ANKS1B: variants seen among roughly 807,000 people sequenced by gnomAD.
ANKS1B encodes the protein ankyrin repeat and sterile alpha motif domain-containing protein 1B.
In ANKS1B, 36 loss-of-function variants were observed where a neutral mutation model predicts 148.3. That is an observed-to-expected ratio of 0.24 (90% confidence interval 0.19 to 0.32). The LOEUF is 0.32. Ranked by LOEUF, ANKS1B falls within the 10% of genes least tolerant of loss-of-function variation. The probability of loss-of-function intolerance (pLI) is 1.00; values close to 1 mark genes in which losing one functional copy is unlikely to be tolerated. For synonymous variants in ANKS1B, 542 were observed against 560.8 expected, an observed-to-expected ratio of 0.97 and a Z score of 0.47; for missense variants, 1,157 against 1,542.6, an observed-to-expected ratio of 0.75 and a Z score of 4.19.
chr12:99,490,731 G>A (rs768783621), intron 10 of ANKS1B, among the ~76,000 whole-genome samples: 72 of 152,116 alleles, frequency 4.7e-4, no homozygotes, highest in Non-Finnish European at 7.8e-4. Flanking sequence ...TGACTGTATT[G>A]TATGTCAGTT....
At chr12:98,800,218 A>G (rs1407525379) in intron 21 of ANKS1B, among the ~76,000 whole-genome samples, 2 of 130,518 alleles carry the variant, frequency 1.5e-5, no homozygotes, top group Admixed American at 7.5e-5. Context: ...GCAGAAAATG[A>G]AAAAAAAAAA....
At chr12:99,518,239 T>C (rs1216051436) in intron 9 of ANKS1B, among the ~76,000 whole-genome samples, 1 of 152,158 alleles carries the variant, frequency 6.6e-6, no homozygotes, top group Non-Finnish European at 1.5e-5. Context: ...AGAATGAGTT[T>C]GGAAGTATTC....
At chr12:99,160,106 T>G (rs1014573563) in intron 14 of ANKS1B, among the ~76,000 whole-genome samples, 1 of 152,198 alleles carries the variant, frequency 6.6e-6, no homozygotes, top group African/African-American at 2.4e-5. Context: ...TTAAGTTCCT[T>G]ATAGATTCTG....
chr12:99,300,425 T>C (rs1003230774), intron 12 of ANKS1B, among the ~76,000 whole-genome samples: 1 of 152,094 alleles, frequency 6.6e-6, no homozygotes, highest in Admixed American at 6.6e-5. Context: ...ACAACACTTA[T>C]TGAATATCCA....
chr12:99,913,621 A>C (rs2094077777), intron 1 of ANKS1B, among the ~76,000 whole-genome samples: 1 of 152,214 alleles, frequency 6.6e-6, no homozygotes, highest in Non-Finnish European at 1.5e-5. Flanking sequence ...TAAATGCTGA[A>C]CTTGGGTTAT....
intron 10 of ANKS1B, among the ~76,000 whole-genome samples, chr12:99,480,703 T>C (rs916793497): frequency 2.6e-4 from 39 of 151,846 alleles, no homozygotes; most frequent in African/African-American, 8.9e-4. Context: ...ACATATGACA[T>C]TATTTAGGAA....
chr12:99,078,303 A>G (rs1279869315), intron 16 of ANKS1B, among the ~76,000 whole-genome samples: 1 of 152,224 alleles, frequency 6.6e-6, no homozygotes, highest in East Asian at 1.9e-4. Context: ...CTGACCTAAT[A>G]TATATGGTAA....
At chr12:99,412,074 CT>C (rs375063867) in intron 11 of ANKS1B, among the ~76,000 whole-genome samples, 48 of 151,810 alleles carry the variant, frequency 3.2e-4, no homozygotes, top group African/African-American at 1.1e-3. Flanking sequence ...AAAAACTTTT[CT>C]TTTTTTTCAA....
At chr12:99,057,962 C>T (rs1243198294) in intron 16 of ANKS1B, among the ~76,000 whole-genome samples, 3 of 152,140 alleles carry the variant, frequency 2.0e-5, no homozygotes, top group Admixed American at 6.5e-5. Context: ...ACAGCAGACC[C>T]GTGAGTAAGA....
intron 8 of ANKS1B, among the ~76,000 whole-genome samples, chr12:99,670,408 C>A (rs1177877251): frequency 6.6e-6 from 1 of 152,086 alleles, no homozygotes; most frequent in Non-Finnish European, 1.5e-5. Context: ...ATACCTTTTA[C>A]AACCAACCTG....
chr12:99,312,595 G>T (rs556700885), intron 12 of ANKS1B, among the ~76,000 whole-genome samples: 1 of 152,178 alleles, frequency 6.6e-6, no homozygotes, highest in East Asian at 1.9e-4. Context: ...TCTTGTATTA[G>T]CATTGAGTTA....
intron 1 of ANKS1B, among the ~76,000 whole-genome samples, chr12:99,846,195 C>T (rs1054622235): frequency 6.6e-6 from 1 of 151,990 alleles, no homozygotes; most frequent in Non-Finnish European, 1.5e-5. Flanking sequence ...GCAGCTTTGC[C>T]TTTTAATTCA....
chr12:98,797,002 G>T (rs781175057), intron 22 of ANKS1B, among the ~76,000 whole-genome samples: 1 of 152,186 alleles, frequency 6.6e-6, no homozygotes, highest in Non-Finnish European at 1.5e-5. Flanking sequence ...TCACACCGGA[G>T]TAGCTGGTCT....
intron 12 of ANKS1B, among the ~76,000 whole-genome samples, chr12:99,342,861 GTT>G (rs1167051912): frequency 1.3e-5 from 2 of 151,816 alleles, no homozygotes; most frequent in Non-Finnish European, 2.9e-5. Flanking sequence ...TTGAGATAAT[GTT>G]TTGTCTTTAT....
At chr12:98,742,465 T>C (rs1232693844), downstream of ANKS1B, among the ~76,000 whole-genome samples, 1 of 152,246 alleles carries the variant, frequency 6.6e-6, no homozygotes, top group Non-Finnish European at 1.5e-5. Flanking sequence ...GAGTGCAATA[T>C]GTTGGCTGCA....
intron 9 of ANKS1B, among the ~76,000 whole-genome samples, chr12:99,508,361 G>GA (rs2153020214): frequency 6.6e-6 from 1 of 151,816 alleles, no homozygotes; most frequent in Admixed American, 6.6e-5. Flanking sequence ...CAGCAGACGA[G>GA]AAAAATAAAT....
At chr12:99,353,047 C>T (rs1023200266) in intron 12 of ANKS1B, among the ~76,000 whole-genome samples, 1 of 152,010 alleles carries the variant, frequency 6.6e-6, no homozygotes, top group African/African-American at 2.4e-5. Flanking sequence ...TCACTGTACA[C>T]AAAACTGAAT....
In ANKS1B at chr12:99,027,344, A is replaced by G. The variant is rs2099949346; in HGVS notation, c.2778+25813T>C. Among the ~76,000 whole-genome samples the G allele has an allele frequency of 2.0e-5, 3 of 152,174 alleles. No homozygotes were observed. The South Asian group carries it at 6.2e-4, about 32-fold the overall frequency. ...ACAGTAAAAAACATCTTGACCAGAA[A>G]CATAATTGCTAATTCACTGTGTTGG... On this transcript the variant is annotated intron_variant, in intron 17 of 26. Transcript: ENST00000683438.
At chr12:99,487,079 C>G (rs1475658704) in intron 10 of ANKS1B, among the ~76,000 whole-genome samples, 2 of 152,146 alleles carry the variant, frequency 1.3e-5, no homozygotes, top group Non-Finnish European at 2.9e-5. Context: ...CTGCTGAACC[C>G]AGCACTGGAA....
Sources: gnomAD v4.1 joint callset for allele counts (sites outside exome capture counted in the v4.1 genomes callset) on GRCh38, gnomAD v4.1.1 for gene constraint, MANE v1.5 for transcripts, NCBI Gene and HGNC (gene_info 2026-07-23, HGNC 2026-07-21) for gene names.